Variants in TBC1D32 observed in about 807,000 individuals in gnomAD.
TBC1D32 encodes the protein protein broad-minded.
Under a neutral mutation model 170.3 loss-of-function variants are expected in TBC1D32, and 151 were observed. That is an observed-to-expected ratio of 0.89 (90% CI 0.78 to 1.01). TBC1D32 has a LOEUF of 1.01. Among genes scored for constraint, TBC1D32 ranks in the 50% least tolerant of loss-of-function variants. The pLI, the probability that TBC1D32 is intolerant of heterozygous loss-of-function variation, is 0.00. For synonymous variants in TBC1D32, 498 were observed against 488.0 expected (o/e 1.02, Z -0.27); for missense variants, 1,464 against 1,457.1 (o/e 1.00, Z -0.08).
At chr6:121,153,406 C>G (rs1269310399) in intron 24 of TBC1D32, among the ~76,000 whole-genome samples, 2 of 152,174 alleles carry the variant, frequency 1.3e-5, no homozygotes, top group African/African-American at 4.8e-5. Context: ...CCAGCTGAAG[C>G]TCTCCTGTAT....
At chr6:121,265,999 G>C (rs1800426780) in intron 15 of TBC1D32, among the ~76,000 whole-genome samples, 1 of 152,056 alleles carries the variant, frequency 6.6e-6, no homozygotes, top group East Asian at 1.9e-4. Flanking sequence ...ATACCATTCA[G>C]GACATGGGCA....
intron 12 of TBC1D32, among the ~76,000 whole-genome samples, chr6:121,290,289 A>C (rs1485599044): frequency 6.6e-6 from 1 of 152,226 alleles, no homozygotes; most frequent in African/African-American, 2.4e-5. Context: ...CAATGAACTC[A>C]AACAAATTTA....
At chr6:121,082,585 T>C (rs1259636303) in intron 31 of TBC1D32, among the ~76,000 whole-genome samples, 1 of 151,982 alleles carries the variant, frequency 6.6e-6, no homozygotes, top group Non-Finnish European at 1.5e-5. Flanking sequence ...GAATACTTAT[T>C]GTTCATTAAA....
chr6:121,149,715 G>A (rs1783959633), intron 24 of TBC1D32, among the ~76,000 whole-genome samples: 1 of 152,128 alleles, frequency 6.6e-6, no homozygotes, highest in African/African-American at 2.4e-5. Flanking sequence ...TGTTCTTATT[G>A]CTTAGAATTG....
At chr6:121,129,748 G>C (rs1376400835) in intron 25 of TBC1D32, 1 of 291,870 alleles carries the variant, frequency 3.4e-6, no homozygotes, top group East Asian at 8.3e-5. Flanking sequence ...ATGACTAAGA[G>C]GACAGGTATC....
At chr6:121,333,460 T>C (rs1811458187) in intron 1 of TBC1D32, among the ~76,000 whole-genome samples, 1 of 152,188 alleles carries the variant, frequency 6.6e-6, no homozygotes, top group Non-Finnish European at 1.5e-5. Context: ...AGACATTTAG[T>C]TATGTGGCTT....
chr6:121,234,488 C>T (rs1796108210), intron 20 of TBC1D32, among the ~76,000 whole-genome samples: 1 of 151,916 alleles, frequency 6.6e-6, no homozygotes, highest in Non-Finnish European at 1.5e-5. Flanking sequence ...CTTTCTTCTG[C>T]TTGTTCGATT....
chr6:121,206,442 T>C (rs962821379), intron 21 of TBC1D32, among the ~76,000 whole-genome samples: 1 of 152,102 alleles, frequency 6.6e-6, no homozygotes, highest in Admixed American at 6.5e-5. Context: ...AGTCACATAA[T>C]ATTTATTGAG....
intron 22 of TBC1D32, among the ~76,000 whole-genome samples, chr6:121,168,712 T>TAAA (rs59283869): frequency 0.38 from 35,178 of 93,322 alleles, 7,585 homozygotes; most frequent in Non-Finnish European, 0.51. Flanking sequence ...TAGAGTATAA[T>TAAA]AAAAAAAAAA....
At chr6:121,301,660 C>A (rs1806499148) in intron 9 of TBC1D32, among the ~76,000 whole-genome samples, 2 of 151,992 alleles carry the variant, frequency 1.3e-5, no homozygotes, top group African/African-American at 4.8e-5. Flanking sequence ...ACGTTCTGCA[C>A]ATGTACCCTG....
chr6:121,189,638 T>C (rs1376459373), intron 22 of TBC1D32, among the ~76,000 whole-genome samples: 1 of 152,080 alleles, frequency 6.6e-6, no homozygotes, highest in East Asian at 1.9e-4. Flanking sequence ...TTTATCATCA[T>C]AACACTATAC....
intron 1 of TBC1D32, among the ~76,000 whole-genome samples, chr6:121,331,769 G>A (rs976225950): frequency 1.3e-5 from 2 of 152,148 alleles, no homozygotes; most frequent in Admixed American, 6.5e-5. Flanking sequence ...TTCCAACTCT[G>A]AGATTGTAAA....
chr6:121,131,566 C>T (rs1394169860), intron 25 of TBC1D32, 61 bp downstream of exon 25: 1 of 1,518,612 alleles, frequency 6.6e-7, no homozygotes, highest in Non-Finnish European at 8.9e-7. Context: ...TTAAGAACCA[C>T]AGATTCTATT....
intron 20 of TBC1D32, among the ~76,000 whole-genome samples, chr6:121,235,946 T>C (rs568483074): frequency 9.2e-5 from 14 of 152,326 alleles, no homozygotes; most frequent in East Asian, 1.9e-4. Context: ...CTTCCTTTTT[T>C]ATACATGCTG....
intron 21 of TBC1D32, among the ~76,000 whole-genome samples, chr6:121,216,943 G>A (rs1225118344): frequency 6.6e-6 from 1 of 152,184 alleles, no homozygotes; most frequent in Admixed American, 6.5e-5. Flanking sequence ...CATTACAGCT[G>A]CCTCTACCTA....
intron 31 of TBC1D32, among the ~76,000 whole-genome samples, chr6:121,086,020 C>T (rs147481061): frequency 3.3e-5 from 5 of 152,130 alleles, no homozygotes; most frequent in Admixed American, 1.3e-4. Flanking sequence ...CAAAAGTACA[C>T]CAAAGTGTAG....
In TBC1D32 at chr6:121,080,854, A is replaced by C; in HGVS notation, c.3691T>G (p.Phe1231Val). 1 of 1,613,968 alleles carries C rather than the reference A, an allele frequency of 6.2e-7. No homozygotes were observed. The highest frequency in any genetic ancestry group is 8.5e-7 in the Non-Finnish European group (1 of 1,179,900). Reference sequence around the variant, plus strand: ...TGTTCCAAAATTTCCATGTATTCAAAATAATCACTCACTCGAAACCCATGC... The same window carrying C: ...TGTTCCAAAATTTCCATGTATTCAACATAATCACTCACTCGAAACCCATGC... The part of the protein sequence containing the change: ...ALHGFRVSDY[F>V]EYMEILEQNY... Residue 1231 changes from phenylalanine (F) to valine (V), a missense_variant, in exon 32 of 32, where the codon TTT becomes GTT. By Grantham distance (50) the Phe-to-Val change is conservative. Coordinates refer to ENST00000398212, the MANE Select transcript of TBC1D32 (RefSeq NM_152730.6).
intron 21 of TBC1D32, among the ~76,000 whole-genome samples, chr6:121,222,443 T>C (rs961059981): frequency 3.9e-5 from 6 of 152,158 alleles, no homozygotes; most frequent in African/African-American, 1.2e-4. Context: ...TAATGTTAAA[T>C]GATAGAAGTA....
chr6:121,191,110 A>G (rs1789950135), intron 22 of TBC1D32, among the ~76,000 whole-genome samples: 1 of 152,148 alleles, frequency 6.6e-6, no homozygotes, highest in Non-Finnish European at 1.5e-5. Context: ...GCATGTGTGG[A>G]TATGTAATAT....
Sources: allele counts gnomAD v4.1 joint callset (sites outside exome capture counted in the v4.1 genomes callset), GRCh38; gene constraint gnomAD v4.1.1; transcripts MANE v1.5; gene names NCBI Gene and HGNC (gene_info 2026-07-23, HGNC 2026-07-21).